Variants in CHD5 observed in about 807,000 individuals in gnomAD.
The protein encoded by CHD5 is ATP-dependent chromatin remodeler CHD5.
Under a neutral mutation model 230.3 loss-of-function variants are expected in CHD5, and 69 were observed. That is an observed-to-expected ratio of 0.30 (90% CI 0.25 to 0.37). CHD5 has a LOEUF of 0.37. CHD5 is among the 10% of genes least tolerant of loss of function. CHD5 has a pLI of 1.00. For synonymous variants in CHD5, 1,064 were observed against 1,065.9 expected, an observed-to-expected ratio of 1.00 and a Z score of 0.03; for missense variants, 1,827 against 2,622.8, an observed-to-expected ratio of 0.70 and a Z score of 6.63.
intron 34 of CHD5, among the ~76,000 whole-genome samples, chr1:6,112,534 GA>G (rs1381170320): frequency 4.6e-5 from 7 of 152,218 alleles, no homozygotes; most frequent in Non-Finnish European, 1.0e-4. Flanking sequence ...AGAGCGCTGT[GA>G]AAAGTACAGT....
At chr1:6,110,018 G>A in intron 37 of CHD5, 28 bp from the exon 38 acceptor site, 2 of 1,489,578 alleles carry the variant, frequency 1.3e-6, no homozygotes, top group Non-Finnish European at 1.8e-6. Context: ...CGTCGGCCCG[G>A]CCCCTCCCGC....
chr1:6,168,286 A>G lies in CHD5; in HGVS notation c.80-9T>C. 1 of 1,587,824 alleles carries G rather than the reference A, an allele frequency of 6.3e-7. No individual in the cohort carries two copies. Among genetic ancestry groups the G allele is most frequent in the Non-Finnish European group, 8.6e-7 (1 of 1,160,178 alleles). ...ACCACCATCTTCTTCTTCTGGAAAAATCAGAAGGTGGCAGCAGTTACTCCT... is the reference window on the plus strand; with the variant it reads ...ACCACCATCTTCTTCTTCTGGAAAAGTCAGAAGGTGGCAGCAGTTACTCCT... On this transcript the variant is annotated splice_polypyrimidine_tract_variant and intron_variant, in intron 1 of 41. Transcript: ENST00000262450.
rs1424330523 is a variant in CHD5 at position 6,128,466 on chromosome 1, G to A, written c.3730+33C>T. On this transcript the variant is annotated intron_variant, in intron 24 of 41. Transcript: ENST00000262450. This position sits in a 1 kb window ranked among gnomAD's most constrained non-coding sequence, Gnocchi z 7.8. ...TGCAGGAGCAGCCACCTGGTCGGAG[G>A]AGGAGCTGAGGCTGGGCTGGGTTGG... The A allele has an allele frequency of 4.6e-6, 7 of 1,529,682 alleles. No homozygotes were observed. The highest frequency in any genetic ancestry group is 6.3e-6 in the Non-Finnish European group (7 of 1,104,782). 94.8% of individuals were successfully genotyped at this position (1,529,682 alleles called of 1,614,324 possible).
chr1:6,115,129 A>G (rs1222844186), intron 33 of CHD5, among the ~76,000 whole-genome samples: 1 of 151,846 alleles, frequency 6.6e-6, no homozygotes, highest in Non-Finnish European at 1.5e-5. Flanking sequence ...TGGCTAACAC[A>G]GTGAAACCCT....
At chr1:6,122,961 T>C (rs541219941) in intron 31 of CHD5, among the ~76,000 whole-genome samples, 2 of 151,166 alleles carry the variant, frequency 1.3e-5, no homozygotes, top group African/African-American at 4.9e-5. Flanking sequence ...TCCCAGCTAC[T>C]CGGGAAGCTG....
Position 6,159,408 on chromosome 1 carries a change from G to C in CHD5, c.315C>G (p.Asp105Glu). The stretch of plus-strand genomic sequence containing the variant: ...TTCGCTTGGCTTTTTTCTCCTTCTT[G>C]TCCTTGAGTTTCTTCTTCTTCTTTT... ...PNKKKKKKLK[D>E]KKEKKAKRKK... The change falls in exon 3 of 42, where the codon GAC becomes GAG. Residue 105 changes from aspartate to glutamate, a missense_variant. Physicochemically the swap from Asp to Glu is conservative, Grantham distance 45 (BLOSUM62 2). Around this residue, in one of 14 missense-constraint regions of CHD5, gnomAD observed 657 missense variants for 816.4 expected, o/e 0.80. Transcript: ENST00000262450. 1 of 1,556,766 alleles carries C rather than the reference G, an allele frequency of 6.4e-7. No homozygotes were observed. The highest frequency in any genetic ancestry group is 8.7e-7 in the Non-Finnish European group (1 of 1,148,560).
chr1:6,180,005 T>G lies in CHD5; in HGVS notation c.19A>C (p.Thr7Pro). The G allele has an allele frequency of 1.4e-6, 2 of 1,379,736 alleles. No homozygotes were observed. The highest frequency in any genetic ancestry group is 9.5e-7 in the Non-Finnish European group (1 of 1,054,254). 85.5% of individuals were successfully genotyped at this position (1,379,736 alleles called of 1,614,324 possible). ...AACAGCCGCGGCAGCTCCTCCTCGG[T>G]GCCCACTGGGCCCCGCATGCCCGGC... MRGPVGTEEELPRLFAE... is the reference protein window; with the variant it reads MRGPVGPEEELPRLFAE... Residue 7 changes from threonine (T) to proline (P), a missense_variant, in exon 1 of 42, where the codon ACC becomes CCC. Coordinates refer to ENST00000262450, the MANE Select transcript of CHD5 (RefSeq NM_015557.3).
intron 20 of CHD5, among the ~76,000 whole-genome samples, chr1:6,133,751 G>A (rs1368515256): frequency 6.6e-6 from 1 of 152,240 alleles, no homozygotes; most frequent in African/African-American, 2.4e-5. Flanking sequence ...CAAAAAGCCA[G>A]GTGCCAGTGG....
chr1:6,135,494 G>T, intron 17 of CHD5, 91 bp from the exon 18 acceptor site: 3 of 1,182,822 alleles, frequency 2.5e-6, no homozygotes, highest in Non-Finnish European at 3.6e-6. Flanking sequence ...AGGCCGGCTA[G>T]CTGGTGAACC....
intron 33 of CHD5, among the ~76,000 whole-genome samples, chr1:6,119,756 T>C (rs1666436986): frequency 6.6e-6 from 1 of 151,002 alleles, no homozygotes; most frequent in African/African-American, 2.4e-5. Context: ...TGTACGTACA[T>C]ACGTGCGTAC....
chr1:6,121,509 C>T lies in CHD5; in HGVS notation c.4764G>A (p.Gln1588=), dbSNP rs1478940546. 1.9e-6 allele frequency: 3 copies of T among 1,612,288 alleles called. No homozygotes were observed. Among genetic ancestry groups the T allele is most frequent in the South Asian group, 1.1e-5 (1 of 90,582 alleles). ...EKDPGAQKPR[Q]PLEVQALPAA... ...AGTTCCACACCTGGACTTCCAGGGGCTGCCTTGGCTTCTGTGCCCCGGGGT... is the reference window on the plus strand; with the variant it reads ...AGTTCCACACCTGGACTTCCAGGGGTTGCCTTGGCTTCTGTGCCCCGGGGT... Residue 1588 remains glutamine, a synonymous_variant, in exon 32 of 42, where the codon CAG becomes CAA. Coordinates refer to ENST00000262450, the MANE Select transcript of CHD5 (RefSeq NM_015557.3). The surrounding 1 kb of genome is among the most constrained non-coding windows in gnomAD (Gnocchi z 4.5).
chr1:6,145,777 T>C (rs1666899587), intron 11 of CHD5, among the ~76,000 whole-genome samples: 1 of 152,172 alleles, frequency 6.6e-6, no homozygotes, highest in African/African-American at 2.4e-5. Context: ...GTGCCTATTC[T>C]CACATCAGTA....
chr1:6,113,102 T>C lies in CHD5; in HGVS notation c.4913-104A>G. 3.8e-6 allele frequency: 3 copies of C among 786,058 alleles called. No homozygotes were observed. In the East Asian group the frequency reaches 7.4e-5, roughly 19 times the overall value. The allele number at this position is 786,058 out of a possible 1,614,324, so 48.7% of individuals were successfully genotyped here. A position where few individuals can be genotyped will look rare whatever the true frequency, so the allele number is the denominator to read the frequency against. ...CATGGAACCCTATCCATCAATATGTTCCGCAGAGTCCAACAGGTGCCACCA... is the reference window on the plus strand; with the variant it reads ...CATGGAACCCTATCCATCAATATGTCCCGCAGAGTCCAACAGGTGCCACCA... On this transcript the variant is annotated intron_variant, in intron 33 of 41. Transcript: ENST00000262450.
intron 2 of CHD5, among the ~76,000 whole-genome samples, chr1:6,164,367 T>C (rs187658837): frequency 2.0e-4 from 31 of 152,362 alleles, no homozygotes; most frequent in Admixed American, 5.9e-4. Context: ...CACTGAATAA[T>C]TGGTTGCTAT....
chr1:6,173,432 G>A (rs1366031988), intron 1 of CHD5, among the ~76,000 whole-genome samples: 1 of 151,862 alleles, frequency 6.6e-6, no homozygotes, highest in Non-Finnish European at 1.5e-5. Context: ...TCCCCACCTG[G>A]ACTCCCCAAC....
intron 33 of CHD5, among the ~76,000 whole-genome samples, chr1:6,117,697 C>A (rs929982077): frequency 1.3e-5 from 2 of 152,176 alleles, no homozygotes; most frequent in Admixed American, 6.5e-5. Context: ...TATTCAACAT[C>A]TTTATGCACA....
chr1:6,131,280 GC>G lies in CHD5; in HGVS notation c.3262+350del, dbSNP rs149502649. Among the ~76,000 whole-genome samples the G allele has an allele frequency of 1.1e-3, 166 of 152,280 alleles. No individual in the cohort carries two copies. Among genetic ancestry groups the G allele is most frequent in the African/African-American group, 3.8e-3 (157 of 41,564 alleles). On this transcript the variant is annotated intron_variant, in intron 21 of 41. Transcript: ENST00000262450. This position sits in a 1 kb window ranked among gnomAD's most constrained non-coding sequence, Gnocchi z 5.0. ...TCACTCTCTCCTGCCTCTGGAAGTG[GC>G]CCCAGGTAGCACGTGCATCTCTGTA...
chr1:6,165,370 T>C (rs1667236068), intron 2 of CHD5, among the ~76,000 whole-genome samples: 1 of 152,100 alleles, frequency 6.6e-6, no homozygotes, highest in Admixed American at 6.5e-5. Flanking sequence ...GGGTCCTTCT[T>C]CTGCATTTGG....
rs575543205 is a variant in CHD5 at position 6,109,225 on chromosome 1, G to A, written c.5578+570C>T. On this transcript the variant is annotated intron_variant, in intron 38 of 41. Transcript: ENST00000262450. ...GACCTGCAGCCCCAGGCCCTACTGGGCACAGGATCAGAGTACACCAGGGAG... is the reference window on the plus strand; with the variant it reads ...GACCTGCAGCCCCAGGCCCTACTGGACACAGGATCAGAGTACACCAGGGAG... Among the ~76,000 whole-genome samples the A allele has an allele frequency of 2.6e-5, 4 of 152,234 alleles. No homozygotes were observed. The East Asian group carries it at 7.7e-4, about 29-fold the overall frequency.
Sources: allele counts gnomAD v4.1 joint callset (sites outside exome capture counted in the v4.1 genomes callset), GRCh38; gene constraint gnomAD v4.1.1; regional missense constraint gnomAD v4.1.1; non-coding constraint Gnocchi (gnomAD v3.1); transcripts MANE v1.5; gene names NCBI Gene and HGNC (gene_info 2026-07-23, HGNC 2026-07-21).